Variants in SNTG1 observed in about 807,000 individuals in gnomAD.
SNTG1 encodes the protein syntrophin gamma 1, also known as gamma-1-syntrophin.
A neutral mutation model predicts 74.7 loss-of-function variants in SNTG1; 39 were observed. That is an observed-to-expected ratio of 0.52 (90% confidence interval 0.40 to 0.68). The LOEUF (loss-of-function observed/expected upper bound fraction) is 0.68, where lower values mean the gene tolerates loss of function less well. Among genes scored for constraint, SNTG1 ranks in the 30% least tolerant of loss-of-function variants. The probability of loss-of-function intolerance (pLI) is 0.00; values close to 1 mark genes in which losing one functional copy is unlikely to be tolerated. For missense variants in SNTG1, 685 were observed against 609.5 expected (o/e 1.12, Z -1.30); for synonymous variants, 254 against 217.1 (o/e 1.17, Z -1.49).
chr8:50,571,109 C>G (rs138303759), intron 12 of SNTG1, among the ~76,000 whole-genome samples: 1 of 152,210 alleles, frequency 6.6e-6, no homozygotes, highest in Non-Finnish European at 1.5e-5. Flanking sequence ...TGCCTGCCTG[C>G]CCCCATGCCC....
chr8:50,503,781 T>A (rs1275143811), intron 9 of SNTG1, among the ~76,000 whole-genome samples: 1 of 152,240 alleles, frequency 6.6e-6, no homozygotes, highest in Non-Finnish European at 1.5e-5. Flanking sequence ...TGCATCTTTC[T>A]GTTGAAGATA....
chr8:49,971,946 T>A (rs1312750077), intron 1 of SNTG1, among the ~76,000 whole-genome samples: 1 of 152,130 alleles, frequency 6.6e-6, no homozygotes, highest in Non-Finnish European at 1.5e-5. Context: ...CTGCCCAGGG[T>A]AATTTATAGA....
At chr8:50,742,866 T>A (rs929241901) in intron 17 of SNTG1, among the ~76,000 whole-genome samples, 5 of 151,694 alleles carry the variant, frequency 3.3e-5, no homozygotes, top group Non-Finnish European at 4.4e-5. Context: ...ATTGTAAAAA[T>A]AAATGGATTA....
In SNTG1 at chr8:50,628,364, G is replaced by A. The variant is rs143343645; in HGVS notation, c.850-28545G>A. On this transcript the variant is annotated intron_variant, in intron 13 of 18. Transcript: ENST00000642720. Reference sequence around the variant, plus strand: ...AGATGTGTTCATTTAATTGGTAGATGCAAATCATCTTATAGTTTGTGCATT... The same window carrying A: ...AGATGTGTTCATTTAATTGGTAGATACAAATCATCTTATAGTTTGTGCATT... 5.0e-3 allele frequency among the ~76,000 whole-genome samples: 754 copies of A among 152,184 alleles called. 6 individuals carry two copies. Among genetic ancestry groups the A allele is most frequent in the African/African-American group, 0.017 (705 of 41,538 alleles).
At chr8:50,681,202 A>G (rs898460415) in intron 15 of SNTG1, among the ~76,000 whole-genome samples, 1 of 152,198 alleles carries the variant, frequency 6.6e-6, no homozygotes, top group Non-Finnish European at 1.5e-5. Flanking sequence ...TTGTATTTAC[A>G]TAAGATTGGA....
At chr8:50,010,024 C>A (rs1815621831) in intron 1 of SNTG1, among the ~76,000 whole-genome samples, 1 of 152,072 alleles carries the variant, frequency 6.6e-6, no homozygotes, top group African/African-American at 2.4e-5. Flanking sequence ...TTTCTTGATT[C>A]TCCTTTTTGT....
intron 13 of SNTG1, among the ~76,000 whole-genome samples, chr8:50,656,228 G>A (rs973546153): frequency 6.6e-6 from 1 of 152,132 alleles, no homozygotes; most frequent in South Asian, 2.1e-4. Flanking sequence ...TTGTGTATAT[G>A]TTTGACTCTC....
At chr8:49,935,202 A>AGTGTGTGT (rs140067006) in intron 1 of SNTG1, among the ~76,000 whole-genome samples, 1,662 of 133,838 alleles carry the variant, frequency 0.012, 21 homozygotes, top group African/African-American at 0.041. Context: ...GCCAAGCAGA[A>AGTGTGTGT]GTGTGTGTGT....
At chr8:50,664,215 A>G (rs1384550114) in intron 15 of SNTG1, among the ~76,000 whole-genome samples, 3 of 152,206 alleles carry the variant, frequency 2.0e-5, no homozygotes, top group Non-Finnish European at 4.4e-5. Flanking sequence ...ACTAAGTTAT[A>G]GCACGGAGTA....
chr8:50,243,656 G>A (rs2086262803), intron 2 of SNTG1, among the ~76,000 whole-genome samples: 1 of 151,042 alleles, frequency 6.6e-6, no homozygotes, highest in South Asian at 2.1e-4. Context: ...GCATTTTAAG[G>A]CGTTTGGGCC....
intron 18 of SNTG1, among the ~76,000 whole-genome samples, chr8:50,776,811 T>C (rs2095642124): frequency 6.6e-6 from 1 of 151,950 alleles, no homozygotes; most frequent in South Asian, 2.1e-4. Flanking sequence ...TAGCTGAGAA[T>C]GTCTTGATTT....
At chr8:49,988,299 AT>A in intron 1 of SNTG1, among the ~76,000 whole-genome samples, 1 of 152,332 alleles carries the variant, frequency 6.6e-6, no homozygotes, top group African/African-American at 2.4e-5. Context: ...TCCCATACAT[AT>A]GAAATAAACC....
chr8:50,205,495 G>T (rs183816416), intron 2 of SNTG1, among the ~76,000 whole-genome samples: 94 of 152,226 alleles, frequency 6.2e-4, no homozygotes, highest in Non-Finnish European at 1.2e-3. Context: ...TGGGTAGATT[G>T]CAAAAATTTT....
intron 2 of SNTG1, among the ~76,000 whole-genome samples, chr8:50,186,657 C>A (rs1203068159): frequency 6.6e-6 from 1 of 151,606 alleles, no homozygotes; most frequent in Non-Finnish European, 1.5e-5. Context: ...TGTTTGTTGG[C>A]GGCATAAATG....
rs976652965 is a variant in SNTG1, at chr8:50,284,293, G to A, written c.-27-109919G>A. Among the ~76,000 whole-genome samples the A allele has an allele frequency of 5.3e-5, 8 of 150,356 alleles. 1 individual carries two copies. The highest frequency in any genetic ancestry group is 2.0e-4 in the African/African-American group (8 of 39,840). The stretch of plus-strand genomic sequence containing the variant: ...TTCTTATGAATAGATTGAGATTATA[G>A]ATTTTTCTTATGAATAGATTGAGAT... On this transcript the variant is annotated intron_variant, in intron 2 of 18. Coordinates refer to ENST00000642720, the MANE Select transcript of SNTG1 (RefSeq NM_018967.5).
intron 4 of SNTG1, among the ~76,000 whole-genome samples, chr8:50,402,623 A>G (rs934993752): frequency 1.3e-5 from 2 of 152,062 alleles, no homozygotes; most frequent in African/African-American, 2.4e-5. Context: ...TTATTCTACC[A>G]TTTTACATAG....
chr8:50,752,159 C>T (rs779313434), intron 18 of SNTG1, 48 bp downstream of exon 18: 3 of 1,031,318 alleles, frequency 2.9e-6, no homozygotes, highest in East Asian at 5.8e-5. Flanking sequence ...ACATTAATGC[C>T]ATTAAGGAAC....
intron 2 of SNTG1, among the ~76,000 whole-genome samples, chr8:50,380,397 T>C (rs1178708638): frequency 6.6e-6 from 1 of 152,192 alleles, no homozygotes; most frequent in African/African-American, 2.4e-5. Flanking sequence ...CACAAAGAGA[T>C]AGGAGATAAA....
intron 8 of SNTG1, among the ~76,000 whole-genome samples, chr8:50,475,090 G>T (rs1320762323): frequency 1.7e-5 from 2 of 118,054 alleles, no homozygotes; most frequent in African/African-American, 3.0e-5. Flanking sequence ...GGTGGGGGGA[G>T]GGGGGAGGGA....
Sources: gnomAD v4.1 joint callset for allele counts (sites outside exome capture counted in the v4.1 genomes callset) on GRCh38, gnomAD v4.1.1 for gene constraint, MANE v1.5 for transcripts, NCBI Gene and HGNC (gene_info 2026-07-23, HGNC 2026-07-21) for gene names.